Variants in NLRP11 observed in about 807,000 individuals in gnomAD.
NLRP11 encodes the protein NLR family pyrin domain containing 11.
NLRP11 carries 53 observed loss-of-function variants against 79.3 expected under a neutral mutation model. The observed-to-expected ratio is 0.67, with a 90% CI of 0.54 to 0.84. The LOEUF (loss-of-function observed/expected upper bound fraction) is 0.84. Ranked by LOEUF, NLRP11 falls within the 40% of genes least tolerant of loss-of-function variation. The probability of loss-of-function intolerance (pLI) is 0.00; values close to 1 mark genes in which losing one functional copy is unlikely to be tolerated. For synonymous variants in NLRP11, 518 were observed against 462.6 expected (o/e 1.12, Z -1.54); for missense variants, 1,264 against 1,255.0 (o/e 1.01, Z -0.11).
chr19:55,806,311 C>T (rs1056510908), intron 4 of NLRP11, among the ~76,000 whole-genome samples: 1 of 152,206 alleles, frequency 6.6e-6, no homozygotes, highest in African/African-American at 2.4e-5. Flanking sequence ...CTCTGGACAC[C>T]TAATAGACAT....
At chr19:55,800,603 C>G (rs79403412) in intron 5 of NLRP11, among the ~76,000 whole-genome samples, 14,122 of 152,124 alleles carry the variant, frequency 0.093, 813 homozygotes, top group African/African-American at 0.14. Flanking sequence ...GCATGAGCTA[C>G]CAGGCTTGGC....
At chr19:55,798,598 C>T (rs543931037) in intron 5 of NLRP11, among the ~76,000 whole-genome samples, 2 of 152,226 alleles carry the variant, frequency 1.3e-5, no homozygotes, top group Admixed American at 6.5e-5. Context: ...ATAATCTGCA[C>T]TAACTCCCAT....
At chr19:55,794,435 T>G (rs1464161547) in intron 6 of NLRP11, among the ~76,000 whole-genome samples, 1 of 152,202 alleles carries the variant, frequency 6.6e-6, no homozygotes, top group East Asian at 1.9e-4. Context: ...TGGATTTATC[T>G]GGGGCCACAT....
At chr19:55,803,068 G>C (rs1487735686) in intron 4 of NLRP11, among the ~76,000 whole-genome samples, 1 of 152,122 alleles carries the variant, frequency 6.6e-6, no homozygotes, top group African/African-American at 2.4e-5. Flanking sequence ...ACTTGGAGGC[G>C]CTGGGCACAG....
intron 1 of NLRP11, among the ~76,000 whole-genome samples, chr19:55,818,738 T>A (rs1981384046): frequency 6.6e-6 from 1 of 152,186 alleles, no homozygotes; most frequent in African/African-American, 2.4e-5. Context: ...GCAACTGTTA[T>A]AATAAGCAAA....
rs1304927701 is a variant in NLRP11 at position 55,785,492 on chromosome 19, GTCACACACACACACACAC to G, written c.*115_*132del. 3.1e-4 allele frequency: 205 copies of G among 652,702 alleles called. 1 individual carries two copies. Among genetic ancestry groups the G allele is most frequent in the Admixed American group, 2.6e-4 (8 of 30,860 alleles). The allele number at this position is 652,702 out of a possible 1,614,324, so 40.4% of individuals were successfully genotyped here. On this transcript the variant is annotated 3_prime_UTR_variant, in exon 10 of 10. Coordinates refer to ENST00000589093, the Ensembl canonical transcript of NLRP11. ...ATTTGAAGTGGTTGACTGGATCAAGGTCACACACACACACACACACACACACACACACACACACACACA... is the reference window on the plus strand; with the variant it reads ...ATTTGAAGTGGTTGACTGGATCAAGGACACACACACACACACACACACACA...
Position 55,807,640 on chromosome 19 carries a change from C to T in NLRP11, c.2003+213G>A, listed in dbSNP as rs561425808. On this transcript the variant is annotated intron_variant, in intron 4 of 9. Coordinates refer to ENST00000589093, the Ensembl canonical transcript of NLRP11. ...CTTCTGTTGCTTCCTGCCTTGAAGG[C>T]AGCCATGATGGCTGGGACCTCAGAT... is the stretch of plus-strand genomic sequence containing the variant. 5.3e-5 allele frequency among the ~76,000 whole-genome samples: 8 copies of T among 152,280 alleles called. No individual in the cohort carries two copies. In the East Asian group the frequency reaches 1.5e-3, roughly 29 times the overall value.
intron 2 of NLRP11, among the ~76,000 whole-genome samples, chr19:55,812,274 A>G (rs1237456298): frequency 2.6e-5 from 4 of 152,232 alleles, no homozygotes; most frequent in Non-Finnish European, 5.9e-5. Flanking sequence ...CTTAAAATAT[A>G]CACTATGCAA....
At chr19:55,792,042 G>C (rs1171053873) in intron 7 of NLRP11, among the ~76,000 whole-genome samples, 2 of 152,152 alleles carry the variant, frequency 1.3e-5, no homozygotes, top group Non-Finnish European at 2.9e-5. Context: ...CCCGGGGCAG[G>C]GGGAGGGGTC....
chr19:55,789,435 C>T (rs776905325), intron 7 of NLRP11, 36 bp from the exon 8 acceptor site: 20 of 1,572,514 alleles, frequency 1.3e-5, no homozygotes, highest in Non-Finnish European at 1.5e-5. Context: ...GTCATGACCA[C>T]CTGTCTCCAA....
At chr19:55,817,025 A>G (rs1167039964) in intron 2 of NLRP11, among the ~76,000 whole-genome samples, 4 of 152,312 alleles carry the variant, frequency 2.6e-5, no homozygotes, top group East Asian at 1.9e-4. Flanking sequence ...GCTTCTCAAA[A>G]GAAGATACAC....
At chr19:55,822,260 T>C (rs972064778) in intron 1 of NLRP11, among the ~76,000 whole-genome samples, 3 of 131,586 alleles carry the variant, frequency 2.3e-5, no homozygotes, top group African/African-American at 7.2e-5. Flanking sequence ...CAAGACTCTG[T>C]CTCAAAAAGA....
chr19:55,798,340 G>A (rs967294627), intron 5 of NLRP11: 1 of 984,874 alleles, frequency 1.0e-6, no homozygotes, highest in African/African-American at 1.7e-5. Context: ...TTGAGGGCCT[G>A]AAGATTAAAA....
At chr19:55,831,101 C>A (rs1379213259) in intron 1 of NLRP11, among the ~76,000 whole-genome samples, 1 of 65,004 alleles carries the variant, frequency 1.5e-5, no homozygotes, top group South Asian at 4.7e-4. Context: ...CACCGCCCCA[C>A]CCCCCCCATC....
At chr19:55,820,053 A>G (rs1318120083) in intron 1 of NLRP11, among the ~76,000 whole-genome samples, 1 of 152,170 alleles carries the variant, frequency 6.6e-6, no homozygotes, top group Non-Finnish European at 1.5e-5. Flanking sequence ...TGAGTTTTGC[A>G]GCATTGCTAT....
chr19:55,823,019 C>T (rs1044090846), intron 1 of NLRP11, among the ~76,000 whole-genome samples: 1 of 150,758 alleles, frequency 6.6e-6, no homozygotes, highest in Non-Finnish European at 1.5e-5. Flanking sequence ...CCCTGTCTGA[C>T]AGCTTTGAAG....
intron 4 of NLRP11, among the ~76,000 whole-genome samples, chr19:55,803,811 G>C (rs1367689109): frequency 6.6e-6 from 1 of 151,384 alleles, no homozygotes; most frequent in Non-Finnish European, 1.5e-5. Context: ...GCTGGGCGTG[G>C]AGGCTCATGC....
chr19:55,810,246 GA>G lies in NLRP11; in HGVS notation c.363del (p.Arg122ValfsTer13). 6.2e-7 allele frequency: 1 copy of G among 1,613,802 alleles called. No homozygotes were observed. Among genetic ancestry groups the G allele is most frequent in the Non-Finnish European group, 8.5e-7 (1 of 1,179,794 alleles). Reference sequence around the variant, plus strand: ...TAGAACACATCTGACGAAACGTCACGAAAAAATTTATAATGAAATTTTCCAA... The same window carrying G: ...TAGAACACATCTGACGAAACGTCACGAAAAATTTATAATGAAATTTTCCAA... On this transcript the variant is annotated frameshift_variant, in exon 3 of 10. Transcript: ENST00000589093. LOFTEE classifies it high-confidence loss of function.
chr19:55,789,870 C>T (rs16986581), intron 7 of NLRP11, among the ~76,000 whole-genome samples: 10 of 152,246 alleles, frequency 6.6e-5, no homozygotes, highest in Admixed American at 2.6e-4. Flanking sequence ...AAGCAAGCAA[C>T]GTACTCACGA....
Sources: gnomAD v4.1 joint callset for allele counts (sites outside exome capture counted in the v4.1 genomes callset) on GRCh38, gnomAD v4.1.1 for gene constraint, MANE v1.5 for transcripts, NCBI Gene and HGNC (gene_info 2026-07-23, HGNC 2026-07-21) for gene names.